CHRM2: variants seen among roughly 807,000 people sequenced by gnomAD.
The protein encoded by CHRM2 is muscarinic acetylcholine receptor M2.
A neutral mutation model predicts 25.0 loss-of-function variants in CHRM2; 8 were observed. That is an observed-to-expected ratio of 0.32 (90% CI 0.19 to 0.58). The LOEUF is 0.58. Ranked by LOEUF, CHRM2 falls within the 20% of genes least tolerant of loss-of-function variation. The pLI is 0.88. For synonymous variants in CHRM2, 202 were observed against 205.7 expected (o/e 0.98, Z 0.15); for missense variants, 440 against 567.1 (o/e 0.78, Z 2.28).
At chr7:136,894,228 A>C (rs566399385) in intron 2 of CHRM2, among the ~76,000 whole-genome samples, 3 of 152,214 alleles carry the variant, frequency 2.0e-5, no homozygotes, top group African/African-American at 7.2e-5. Context: ...ACAAATGAGA[A>C]ATCATCACTA....
intron 2 of CHRM2, among the ~76,000 whole-genome samples, chr7:136,952,935 T>G (rs1800502018): frequency 6.6e-6 from 1 of 152,198 alleles, no homozygotes; most frequent in African/African-American, 2.4e-5. Flanking sequence ...TGCATAGTAT[T>G]CCATGGTTTA....
In CHRM2 at chr7:136,912,951, C is replaced by T. The variant is rs527971654; in HGVS notation, c.-125+43533C>T. Among the ~76,000 whole-genome samples the T allele has an allele frequency of 3.9e-5, 6 of 151,986 alleles. No homozygotes were observed. In the East Asian group the frequency reaches 1.2e-3, roughly 30 times the overall value. On this transcript the variant is annotated intron_variant, in intron 2 of 3. Transcript: ENST00000680005. ...GAAGAGTTGACTGTGATGCTTGGCA[C>T]ATAACCCTCAGTAAGTGTTATTATG...
chr7:137,011,278 G>A (rs1804808729), intron 3 of CHRM2, among the ~76,000 whole-genome samples: 2 of 150,400 alleles, frequency 1.3e-5, no homozygotes, highest in African/African-American at 4.9e-5. Context: ...GGTTTATGGT[G>A]GCTGAGAAGT....
intron 2 of CHRM2, among the ~76,000 whole-genome samples, chr7:136,891,970 T>C (rs906989328): frequency 6.6e-6 from 1 of 152,234 alleles, no homozygotes; most frequent in South Asian, 2.1e-4. Flanking sequence ...TTTTACTTCA[T>C]GTTTTTGATA....
chr7:136,914,566 T>C (rs1379389485), intron 2 of CHRM2, among the ~76,000 whole-genome samples: 1 of 151,902 alleles, frequency 6.6e-6, no homozygotes, highest in Admixed American at 6.6e-5. Flanking sequence ...GGCAGTATTA[T>C]ATAGGAGAAA....
At chr7:136,905,678 T>C (rs1316192227) in intron 2 of CHRM2, among the ~76,000 whole-genome samples, 1 of 151,602 alleles carries the variant, frequency 6.6e-6, no homozygotes. Flanking sequence ...AATTTATTTA[T>C]TTATTTATTT....
chr7:136,964,657 T>G (rs566848469), intron 2 of CHRM2, among the ~76,000 whole-genome samples: 1 of 152,268 alleles, frequency 6.6e-6, no homozygotes, highest in South Asian at 2.1e-4. Context: ...AGAATTTCCC[T>G]GCCTATGTAG....
chr7:136,892,409 C>T (rs1796725860), intron 2 of CHRM2, among the ~76,000 whole-genome samples: 1 of 151,884 alleles, frequency 6.6e-6, no homozygotes, highest in African/African-American at 2.4e-5. Flanking sequence ...ACTTGGCGGT[C>T]TCTGAACATC....
chr7:136,932,958 AGGCAGAGG>A (rs1799193819), intron 2 of CHRM2, among the ~76,000 whole-genome samples: 1 of 152,194 alleles, frequency 6.6e-6, no homozygotes, highest in South Asian at 2.1e-4. Context: ...TAAACCTGGG[AGGCAGAGG>A]TTGCAGTGGG....
At chr7:136,875,923 T>C (rs1796036093) in intron 2 of CHRM2, among the ~76,000 whole-genome samples, 2 of 152,162 alleles carry the variant, frequency 1.3e-5, no homozygotes, top group Non-Finnish European at 2.9e-5. Flanking sequence ...GTGGAATTTA[T>C]TATTATTATA....
At chr7:136,934,161 C>T (rs1253010737) in intron 2 of CHRM2, among the ~76,000 whole-genome samples, 1 of 152,020 alleles carries the variant, frequency 6.6e-6, no homozygotes, top group Non-Finnish European at 1.5e-5. Flanking sequence ...ACCAAAGCCC[C>T]AAGCAATTTC....
intron 2 of CHRM2, among the ~76,000 whole-genome samples, chr7:136,929,542 C>T (rs1215456855): frequency 6.6e-6 from 1 of 152,128 alleles, no homozygotes; most frequent in African/African-American, 2.4e-5. Context: ...TTTTGCTAGT[C>T]CCTTTATTTT....
intron 2 of CHRM2, among the ~76,000 whole-genome samples, chr7:136,933,969 T>C (rs950245237): frequency 6.6e-6 from 1 of 152,126 alleles, no homozygotes; most frequent in Admixed American, 6.6e-5. Context: ...TTTTGTTTGG[T>C]TTTGTTTTTT....
chr7:136,934,889 A>G (rs1799326188), intron 2 of CHRM2, among the ~76,000 whole-genome samples: 1 of 152,064 alleles, frequency 6.6e-6, no homozygotes, highest in South Asian at 2.1e-4. Context: ...CAAAGAGGAC[A>G]TTATTTGTTA....
rs189427359 is a variant in CHRM2 at position 136,999,691 on chromosome 7, G to A, written c.-47+7427G>A. Among the ~76,000 whole-genome samples the A allele has an allele frequency of 6.2e-3, 940 of 152,096 alleles. 9 individuals are homozygous for A. The highest frequency in any genetic ancestry group is 0.021 in the African/African-American group (881 of 41,474). On this transcript the variant is annotated intron_variant, in intron 3 of 3. Coordinates refer to ENST00000680005, the MANE Select transcript of CHRM2 (RefSeq NM_001006630.2). Reference sequence around the variant, plus strand: ...GTCACACATGACACATTCTTGCTCTGGATATCCAAAATCTGCTGCTGTTTG... The same window carrying A: ...GTCACACATGACACATTCTTGCTCTAGATATCCAAAATCTGCTGCTGTTTG...
chr7:136,891,824 G>T (rs578065771), intron 2 of CHRM2, among the ~76,000 whole-genome samples: 47 of 152,152 alleles, frequency 3.1e-4, no homozygotes, highest in African/African-American at 8.7e-4. Flanking sequence ...TATTATTATT[G>T]TTCAGTCTGA....
At chr7:136,990,246 T>C (rs1428619790) in intron 2 of CHRM2, among the ~76,000 whole-genome samples, 1 of 152,136 alleles carries the variant, frequency 6.6e-6, no homozygotes, top group Non-Finnish European at 1.5e-5. Context: ...CCATAGTTTA[T>C]ATTGGGGTTC....
chr7:137,004,871 G>A (rs555564932), intron 3 of CHRM2, among the ~76,000 whole-genome samples: 4 of 152,096 alleles, frequency 2.6e-5, no homozygotes, highest in Non-Finnish European at 5.9e-5. Flanking sequence ...ATAACACTGC[G>A]GTCATTTGGC....
chr7:136,996,871 G>A (rs1380923144), intron 3 of CHRM2, among the ~76,000 whole-genome samples: 2 of 152,168 alleles, frequency 1.3e-5, no homozygotes, highest in Non-Finnish European at 2.9e-5. Flanking sequence ...CCACAAACAT[G>A]TTTTGCTGGC....
Sources: gnomAD v4.1 joint callset for allele counts (sites outside exome capture counted in the v4.1 genomes callset) on GRCh38, gnomAD v4.1.1 for gene constraint, MANE v1.5 for transcripts, NCBI Gene and HGNC (gene_info 2026-07-23, HGNC 2026-07-21) for gene names.